The following ACSL1 variants were observed in gnomAD, a reference collection of about 807,000 sequenced individuals.
ACSL1 encodes the protein acyl-CoA synthetase long chain family member 1, also known as long-chain-fatty-acid--CoA ligase 1.
In ACSL1, 41 loss-of-function variants were observed where a neutral mutation model predicts 98.4. The observed-to-expected ratio is 0.42, with a 90% confidence interval of 0.32 to 0.54. The LOEUF (loss-of-function observed/expected upper bound fraction) is 0.54. Among genes scored for constraint, ACSL1 ranks in the 20% least tolerant of loss-of-function variants. The pLI, the probability that ACSL1 is intolerant of heterozygous loss-of-function variation, is 0.13. For synonymous variants in ACSL1, 316 were observed against 322.7 expected, an observed-to-expected ratio of 0.98 and a Z score of 0.22; for missense variants, 734 against 883.1, an observed-to-expected ratio of 0.83 and a Z score of 2.14.
intron 16 of ACSL1, 38 bp from the exon 17 acceptor site, chr4:184,762,561 G>A (rs1763007721): frequency 6.3e-7 from 1 of 1,582,374 alleles, no homozygotes; most frequent in Admixed American, 1.7e-5. Flanking sequence ...AGCATTTACT[G>A]GGGTTTTTCC....
At chr4:184,800,719 T>C (rs2150430156) in intron 2 of ACSL1, among the ~76,000 whole-genome samples, 1 of 152,328 alleles carries the variant, frequency 6.6e-6, no homozygotes, top group East Asian at 1.9e-4. Context: ...GACAGGGCCC[T>C]GATCAGTCCG....
rs1763662159 is a variant in ACSL1, at chr4:184,766,705, A to G, written c.1180T>C (p.Ser394Pro). ...TLKRWLLDFA[S>P]KRKEAELRSG... ...CGAAGCTCTGCTTCTTTCCTCTTGG[A>G]GGCAAAGTCCAAGAGCCATCGCTTC... The change falls in exon 13 of 21, where the codon TCC becomes CCC. Residue 394 changes from serine (S) to proline (P), a missense_variant. Coordinates refer to ENST00000281455, the MANE Select transcript of ACSL1 (RefSeq NM_001995.5). The surrounding 1 kb of genome is among the most constrained non-coding windows in gnomAD (Gnocchi z 4.8). The G allele has an allele frequency of 1.2e-6, 2 of 1,613,998 alleles. No individual in the cohort carries two copies. Among genetic ancestry groups the G allele is most frequent in the Non-Finnish European group, 1.7e-6 (2 of 1,180,008 alleles).
In ACSL1 at chr4:184,815,787, G is replaced by A. The variant is rs567763198; in HGVS notation, c.-33+10129C>T. 2.3e-4 allele frequency among the ~76,000 whole-genome samples: 35 copies of A among 152,202 alleles called. No individual in the cohort carries two copies. The South Asian group carries it at 3.5e-3, about 15-fold the overall frequency. On this transcript the variant is annotated intron_variant, in intron 1 of 20. Coordinates refer to ENST00000281455, the MANE Select transcript of ACSL1 (RefSeq NM_001995.5). ...TTGGAGAAATCCACTTCTGAGTTGA[G>A]TTTTTACAGATTTCAACAGGTACCT...
intron 2 of ACSL1, among the ~76,000 whole-genome samples, chr4:184,793,801 C>A (rs920055892): frequency 6.6e-6 from 1 of 152,122 alleles, no homozygotes; most frequent in Non-Finnish European, 1.5e-5. Flanking sequence ...GAACCACAGT[C>A]CGGGGGTAAA....
intron 1 of ACSL1, among the ~76,000 whole-genome samples, chr4:184,806,681 A>G (rs1376091416): frequency 6.6e-6 from 1 of 152,150 alleles, no homozygotes; most frequent in Non-Finnish European, 1.5e-5. Context: ...AAGAAAGAAC[A>G]CTTTAAAAAA....
At chr4:184,815,351 C>T (rs576501220) in intron 1 of ACSL1, among the ~76,000 whole-genome samples, 3 of 152,270 alleles carry the variant, frequency 2.0e-5, no homozygotes, top group African/African-American at 4.8e-5. Context: ...CGTCAGGAGC[C>T]TCTGCCTCTC....
In ACSL1 at chr4:184,766,774, G is replaced by A; in HGVS notation, c.1129-18C>T. 2 of 1,605,504 alleles carry A rather than the reference G, an allele frequency of 1.2e-6. No homozygotes were observed. The highest frequency in any genetic ancestry group is 1.7e-6 in the Non-Finnish European group (2 of 1,173,336). On this transcript the variant is annotated intron_variant, in intron 12 of 20. Coordinates refer to ENST00000281455, the MANE Select transcript of ACSL1 (RefSeq NM_001995.5). This position sits in a 1 kb window ranked among gnomAD's most constrained non-coding sequence, Gnocchi z 4.8. ...CCGAAAATCTAATGAGGCAAGACAT[G>A]AGAAAGTTTTCACACCTACTAGGAT... is the stretch of plus-strand genomic sequence containing the variant.
rs763613048 is a variant in ACSL1 at position 184,762,410 on chromosome 4, T to C, written c.1635A>G (p.Leu545=). 1.2e-6 allele frequency: 2 copies of C among 1,613,818 alleles called. No individual in the cohort carries two copies. Among genetic ancestry groups the C allele is most frequent in the Non-Finnish European group, 1.7e-6 (2 of 1,179,672 alleles). ...WLHTGDIGKW[L]PNGTLKIIDR... ...ACCTGAGGAGGCGGCAACTTACTGGTAACCATTTTCCAATGTCCCCTGTGT... is the reference window on the plus strand; with the variant it reads ...ACCTGAGGAGGCGGCAACTTACTGGCAACCATTTTCCAATGTCCCCTGTGT... The change falls in exon 17 of 21, where the codon TTA becomes TTG. Residue 545 remains leucine (L), a synonymous_variant. Coordinates refer to ENST00000281455, the MANE Select transcript of ACSL1 (RefSeq NM_001995.5).
At chr4:184,760,626 A>T in intron 17 of ACSL1, 126 bp from the exon 18 acceptor site, 1 of 1,348,474 alleles carries the variant, frequency 7.4e-7, no homozygotes, top group Non-Finnish European at 1.0e-6. Flanking sequence ...CATCCCACAG[A>T]GGTCAGTTAT....
At chr4:184,794,757 C>T (rs974248279) in intron 2 of ACSL1, among the ~76,000 whole-genome samples, 6 of 152,180 alleles carry the variant, frequency 3.9e-5, no homozygotes, top group African/African-American at 9.7e-5. Flanking sequence ...ACACCTCCTT[C>T]GTCTGTGTGT....
At chr4:184,804,472 C>A (rs570775216) in intron 1 of ACSL1, among the ~76,000 whole-genome samples, 1 of 151,856 alleles carries the variant, frequency 6.6e-6, no homozygotes, top group East Asian at 1.9e-4. Flanking sequence ...CCCAGCTACT[C>A]AGGAGGGTGA....
intron 10 of ACSL1, among the ~76,000 whole-genome samples, chr4:184,772,218 G>A (rs966840667): frequency 4.6e-5 from 7 of 152,184 alleles, no homozygotes; most frequent in African/African-American, 9.7e-5. Flanking sequence ...TGTTTAGAAA[G>A]TATACATCTT....
intron 16 of ACSL1, 89 bp downstream of exon 16, chr4:184,763,078 T>C: frequency 1.5e-6 from 2 of 1,329,152 alleles, no homozygotes; most frequent in Admixed American, 2.2e-5. Flanking sequence ...ATGGCTTTAT[T>C]GAGCTGTTGG....
rs1179038760 is a variant in ACSL1, at chr4:184,767,479, C to T, written c.1129-723G>A. On this transcript the variant is annotated intron_variant, in intron 12 of 20. Coordinates refer to ENST00000281455, the MANE Select transcript of ACSL1 (RefSeq NM_001995.5). The stretch of plus-strand genomic sequence containing the variant: ...CAGAATAGAGAAATACACAGATGAG[C>T]GGATGCTGAAGGGTGGAGGGGGTCG... Among the ~76,000 whole-genome samples the T allele has an allele frequency of 2.6e-5, 4 of 151,988 alleles. No homozygotes were observed. In the South Asian group the frequency reaches 8.4e-4, roughly 32 times the overall value.
chr4:184,757,978 G>A lies in ACSL1; in HGVS notation c.1783-58C>T. On this transcript the variant is annotated intron_variant, in intron 18 of 20. Transcript: ENST00000281455. The surrounding 1 kb of genome is among the most constrained non-coding windows in gnomAD (Gnocchi z 4.5). ...TTGATCCAAATGCTCTAAAATAGTG[G>A]TTCTTTATTTTTCCATCTTGTGGCC... is the stretch of plus-strand genomic sequence containing the variant. 2.6e-6 allele frequency: 4 copies of A among 1,528,568 alleles called. No homozygotes were observed. The highest frequency in any genetic ancestry group is 3.6e-6 in the Non-Finnish European group (4 of 1,106,712). The allele number at this position is 1,528,568 out of a possible 1,614,324, so 94.7% of individuals were successfully genotyped here. A position where few individuals can be genotyped will look rare whatever the true frequency, so the allele number is the denominator to read the frequency against.
In ACSL1 at chr4:184,785,600, CG is replaced by C. The variant is rs1174393165; in HGVS notation, c.311-1610del. Among the ~76,000 whole-genome samples, 50 of 19,190 alleles carry C rather than the reference CG, an allele frequency of 2.6e-3. 6 individuals are homozygous for C. In the East Asian group the frequency reaches 0.15, roughly 58 times the overall value. 12.6% of individuals were successfully genotyped at this position (19,190 alleles called of 152,430 possible). A position where few individuals can be genotyped will look rare whatever the true frequency, so the allele number is the denominator to read the frequency against. On this transcript the variant is annotated intron_variant, in intron 3 of 20. Coordinates refer to ENST00000281455, the MANE Select transcript of ACSL1 (RefSeq NM_001995.5). Reference sequence around the variant, plus strand: ...CTTAGAATAAAAAGATCCTCCTGGGCGGGGGCGGGGGGGGGGGGGGGAAGGA... The same window carrying C: ...CTTAGAATAAAAAGATCCTCCTGGGCGGGGCGGGGGGGGGGGGGGGAAGGA...
At chr4:184,770,264 CTG>C (rs1343548153) in intron 11 of ACSL1, 133 bp downstream of exon 11, 1 of 1,543,376 alleles carries the variant, frequency 6.5e-7, no homozygotes, top group East Asian at 2.4e-5. Flanking sequence ...CCTTCAATAA[CTG>C]TTCATAAATG....
intron 2 of ACSL1, among the ~76,000 whole-genome samples, chr4:184,799,260 G>A (rs915418449): frequency 8.6e-5 from 13 of 151,940 alleles, no homozygotes; most frequent in Admixed American, 3.3e-4. Flanking sequence ...GGGATTACAG[G>A]CACACGCCAC....
intron 10 of ACSL1, among the ~76,000 whole-genome samples, chr4:184,771,168 A>C (rs1351284560): frequency 6.6e-6 from 1 of 152,120 alleles, no homozygotes; most frequent in Non-Finnish European, 1.5e-5. Flanking sequence ...AGTGGAAGTC[A>C]CTCCCCATGA....
Sources: allele counts gnomAD v4.1 joint callset (sites outside exome capture counted in the v4.1 genomes callset), GRCh38; gene constraint gnomAD v4.1.1; non-coding constraint Gnocchi (gnomAD v3.1); transcripts MANE v1.5; gene names NCBI Gene and HGNC (gene_info 2026-07-23, HGNC 2026-07-21).